The following TANGO2 variants were observed in gnomAD, a reference collection of about 807,000 sequenced individuals.
The protein encoded by TANGO2 is transport and Golgi organization protein 2 homolog.
In TANGO2, 26 loss-of-function variants were observed where a neutral mutation model predicts 39.1. The observed-to-expected ratio is 0.67, with a 90% confidence interval of 0.49 to 0.92. The LOEUF (loss-of-function observed/expected upper bound fraction) is 0.92, where lower values mean the gene tolerates loss of function less well. Among genes scored for constraint, TANGO2 ranks in the 40% least tolerant of loss-of-function variants. The probability of loss-of-function intolerance (pLI) is 0.00; values close to 1 mark genes in which losing one functional copy is unlikely to be tolerated. For missense variants in TANGO2, 326 were observed against 360.1 expected, an observed-to-expected ratio of 0.91 and a Z score of 0.77; for synonymous variants, 131 against 144.5, an observed-to-expected ratio of 0.91 and a Z score of 0.67.
intron 3 of TANGO2, among the ~76,000 whole-genome samples, chr22:20,048,733 G>A (rs896328617): frequency 5.3e-5 from 8 of 151,596 alleles, no homozygotes; most frequent in South Asian, 2.1e-4. Context: ...TGCAACCTCC[G>A]CCTCCCAGGT....
chr22:20,066,507 G>A lies in TANGO2; in HGVS notation c.*1845G>A, dbSNP rs976280312. On this transcript the variant is annotated 3_prime_UTR_variant, in exon 9 of 9. Transcript: ENST00000327374. Reference sequence around the variant, plus strand: ...ACATGATGTGAGTCCACCTAGGGAGGAGCAGGGGCCTCCCCGTCTCTTCCC... The same window carrying A: ...ACATGATGTGAGTCCACCTAGGGAGAAGCAGGGGCCTCCCCGTCTCTTCCC... 6.6e-6 allele frequency: 1 copy of A among 152,354 alleles called. No homozygotes were observed. The highest frequency in any genetic ancestry group is 1.5e-5 in the Non-Finnish European group (1 of 68,186). The allele number at this position is 152,354 out of a possible 1,614,324, so 9.4% of individuals were successfully genotyped here. A position where few individuals can be genotyped will look rare whatever the true frequency, so the allele number is the denominator to read the frequency against.
intron 8 of TANGO2, 192 bp downstream of exon 8, chr22:20,063,634 G>T: frequency 1.7e-6 from 1 of 572,462 alleles, no homozygotes; most frequent in South Asian, 2.3e-5. Context: ...GGCCCCACAG[G>T]CTGGGCTTAA....
chr22:20,043,435 T>C lies in TANGO2; in HGVS notation c.137T>C (p.Ile46Thr). The C allele has an allele frequency of 6.2e-7, 1 of 1,611,948 alleles. No homozygotes were observed. The highest frequency in any genetic ancestry group is 8.5e-7 in the Non-Finnish European group (1 of 1,178,240). The change falls in exon 3 of 9, where the codon ATC (isoleucine) becomes ACC (threonine). Residue 46 changes from isoleucine (I) to threonine (T), a missense_variant. Ile to Thr is a moderately conservative substitution (Grantham distance 89, BLOSUM62 -1). Transcript: ENST00000327374. ...LADFWGNNNE[I>T]LSGLDMEEGK... The stretch of plus-strand genomic sequence containing the variant: ...GACTTCTGGGGGAACAACAACGAGA[T>C]CCTCAGTGGTGAGTCTTCCTGCGTG...
At chr22:20,060,602 A>G (rs1020874454) in intron 6 of TANGO2, among the ~76,000 whole-genome samples, 3 of 151,846 alleles carry the variant, frequency 2.0e-5, no homozygotes, top group Non-Finnish European at 2.9e-5. Context: ...GTAGAGTCCA[A>G]CTCCCTTCTT....
intron 8 of TANGO2, among the ~76,000 whole-genome samples, chr22:20,064,052 G>A (rs111490636): frequency 8.5e-5 from 13 of 152,320 alleles, no homozygotes; most frequent in African/African-American, 3.1e-4. Flanking sequence ...GAGGAGAGGA[G>A]AGTGTGCTGA....
At chr22:20,053,854 A>C (rs928164113) in intron 5 of TANGO2, 1 of 441,534 alleles carries the variant, frequency 2.3e-6, no homozygotes, top group Non-Finnish European at 4.5e-6. Flanking sequence ...TCCCACGGGC[A>C]GGCTGTGCAG....
Position 20,056,177 on chromosome 22 carries a change from A to G in TANGO2, c.451+164A>G, listed in dbSNP as rs113449283. The G allele has an allele frequency of 0.039, 27,812 of 711,770 alleles. 816 individuals are homozygous for G. Among genetic ancestry groups the G allele is most frequent in the African/African-American group, 0.084 (4,831 of 57,392 alleles). The allele number at this position is 711,770 out of a possible 1,614,324, so 44.1% of individuals were successfully genotyped here. Reference sequence around the variant, plus strand: ...TGGGCACCTTGCCCTGCACCTGGACACTTCAGAGAGCCCTGGCTCCCTGCT... The same window carrying G: ...TGGGCACCTTGCCCTGCACCTGGACGCTTCAGAGAGCCCTGGCTCCCTGCT... On this transcript the variant is annotated intron_variant, in intron 6 of 8. Coordinates refer to ENST00000327374, the MANE Select transcript of TANGO2 (RefSeq NM_152906.7).
intron 8 of TANGO2, among the ~76,000 whole-genome samples, chr22:20,063,937 C>G (rs934307803): frequency 1.3e-5 from 2 of 152,248 alleles, no homozygotes; most frequent in Non-Finnish European, 2.9e-5. Flanking sequence ...TCCCACCCCA[C>G]GGGGTGCACT....
In TANGO2 at chr22:20,061,684, G is replaced by A. The variant is rs372949028; in HGVS notation, c.605+1G>A. ...TGGATGTGCTCAACAATGAAGAGGCGTGAGTGGGCGGGTCCTGCTGGGGTG... is the reference window on the plus strand; with the variant it reads ...TGGATGTGCTCAACAATGAAGAGGCATGAGTGGGCGGGTCCTGCTGGGGTG... On this transcript the variant is annotated splice_donor_variant, in intron 7 of 8. Coordinates refer to ENST00000327374, the MANE Select transcript of TANGO2 (RefSeq NM_152906.7). LOFTEE classifies it high-confidence loss of function. The A allele has an allele frequency of 2.8e-5, 44 of 1,546,486 alleles. No homozygotes were observed. Among genetic ancestry groups the A allele is most frequent in the Admixed American group, 2.6e-4 (13 of 50,788 alleles).
intron 1 of TANGO2, among the ~76,000 whole-genome samples, chr22:20,028,917 G>C (rs953199864): frequency 2.6e-5 from 4 of 152,194 alleles, no homozygotes; most frequent in Admixed American, 2.6e-4. Flanking sequence ...CCTGTGGTGG[G>C]CACTGAGAGC....
At chr22:20,048,910 G>A (rs1300067690) in intron 3 of TANGO2, among the ~76,000 whole-genome samples, 2 of 152,166 alleles carry the variant, frequency 1.3e-5, no homozygotes, top group Non-Finnish European at 2.9e-5. Context: ...CTCCCAAAGT[G>A]GTAGGATTAC....
At chr22:20,059,410 G>C (rs1039237355) in intron 6 of TANGO2, among the ~76,000 whole-genome samples, 1 of 152,194 alleles carries the variant, frequency 6.6e-6, no homozygotes, top group African/African-American at 2.4e-5. Context: ...TAGGAATGGA[G>C]TTGTTAAGTC....
chr22:20,056,444 C>T (rs970638986), intron 6 of TANGO2: 1 of 461,176 alleles, frequency 2.2e-6, no homozygotes, highest in African/African-American at 2.0e-5. Flanking sequence ...ACGCCTCCTG[C>T]ACCCAGTCCC....
At chr22:20,027,261 T>A (rs2040942799) in intron 1 of TANGO2, among the ~76,000 whole-genome samples, 1 of 152,126 alleles carries the variant, frequency 6.6e-6, no homozygotes, top group African/African-American at 2.4e-5. Flanking sequence ...TCCAATCGCC[T>A]CCCACCAGGT....
intron 4 of TANGO2, 64 bp from the exon 5 acceptor site, chr22:20,053,373 A>G (rs764902849): frequency 8.4e-7 from 1 of 1,195,800 alleles, no homozygotes; most frequent in South Asian, 1.2e-5. Context: ...GCCCCATATC[A>G]GTGTTCCTGG....
chr22:20,056,737 C>T (rs1317767581), intron 6 of TANGO2: 1 of 456,412 alleles, frequency 2.2e-6, no homozygotes, highest in Non-Finnish European at 4.4e-6. Flanking sequence ...CAAAGCAGCA[C>T]TCCTGGGAAA....
intron 1 of TANGO2, among the ~76,000 whole-genome samples, chr22:20,029,626 G>A (rs547868339): frequency 1.3e-5 from 2 of 152,242 alleles, no homozygotes; most frequent in Non-Finnish European, 2.9e-5. Context: ...AGTGTGGGGG[G>A]AACTTCCTCC....
intron 2 of TANGO2, among the ~76,000 whole-genome samples, chr22:20,040,754 C>A (rs576343931): frequency 3.3e-5 from 5 of 152,358 alleles, no homozygotes; most frequent in South Asian, 4.1e-4. Flanking sequence ...CTCCTGCCAT[C>A]CCTGCTGCAG....
chr22:20,055,659 G>A (rs540702771), intron 5 of TANGO2: 16 of 511,984 alleles, frequency 3.1e-5, no homozygotes, highest in African/African-American at 2.7e-4. Context: ...CCATGCCATG[G>A]GGCATTCGGC....
Sources: allele counts gnomAD v4.1 joint callset (sites outside exome capture counted in the v4.1 genomes callset), GRCh38; gene constraint gnomAD v4.1.1; transcripts MANE v1.5; gene names NCBI Gene and HGNC (gene_info 2026-07-23, HGNC 2026-07-21).